Variants in PTPRD observed in about 807,000 individuals in gnomAD.
PTPRD encodes protein tyrosine phosphatase receptor type D.
In PTPRD, 34 loss-of-function variants were observed where a neutral mutation model predicts 214.5. The ratio of observed to expected loss-of-function variants is 0.16; its 90% CI spans 0.12 to 0.21. The LOEUF is 0.21. PTPRD is among the 10% of genes least tolerant of loss of function. The probability of loss-of-function intolerance (pLI) is 1.00; values close to 1 mark genes in which losing one functional copy is unlikely to be tolerated. For synonymous variants in PTPRD, 1,128 were observed against 845.7 expected, an observed-to-expected ratio of 1.33 and a Z score of -5.79; for missense variants, 2,545 against 2,398.7, an observed-to-expected ratio of 1.06 and a Z score of -1.27.
At chr9:10,084,470 G>C (rs1590706400) in intron 3 of PTPRD, among the ~76,000 whole-genome samples, 1 of 151,806 alleles carries the variant, frequency 6.6e-6, no homozygotes, top group Non-Finnish European at 1.5e-5. Flanking sequence ...ACCAGTTTTT[G>C]TTTATCATAT....
chr9:8,846,011 T>C (rs1030501522), intron 11 of PTPRD, among the ~76,000 whole-genome samples: 4 of 152,174 alleles, frequency 2.6e-5, no homozygotes, highest in African/African-American at 7.2e-5. Context: ...GGTTCAATAA[T>C]GGCCATGTGT....
chr9:9,609,862 G>A (rs1000633094), intron 7 of PTPRD, among the ~76,000 whole-genome samples: 11 of 152,160 alleles, frequency 7.2e-5, no homozygotes, highest in Non-Finnish European at 1.5e-4. Context: ...AAAAAACACT[G>A]TGAAAATGTA....
At chr9:9,841,627 A>T (rs1015228691) in intron 5 of PTPRD, among the ~76,000 whole-genome samples, 1 of 152,300 alleles carries the variant, frequency 6.6e-6, no homozygotes, top group South Asian at 2.1e-4. Flanking sequence ...ACCATTAAAG[A>T]TGAAGTTGTT....
intron 2 of PTPRD, among the ~76,000 whole-genome samples, chr9:10,579,823 C>T (rs756381111): frequency 1.5e-4 from 23 of 151,990 alleles, no homozygotes; most frequent in African/African-American, 3.6e-4. Context: ...AGATAATTCT[C>T]GTGGTTTTGA....
intron 9 of PTPRD, among the ~76,000 whole-genome samples, chr9:9,298,733 TC>T (rs1954089087): frequency 6.6e-6 from 1 of 151,740 alleles, no homozygotes; most frequent in Non-Finnish European, 1.5e-5. Context: ...TATATTTAAT[TC>T]CTCCTCTTCT....
intron 9 of PTPRD, among the ~76,000 whole-genome samples, chr9:9,288,453 A>G (rs1950175507): frequency 1.3e-5 from 2 of 151,900 alleles, no homozygotes; most frequent in South Asian, 4.1e-4. Flanking sequence ...CGTAAAGATC[A>G]GAGTATTTCC....
chr9:8,811,944 T>C (rs1415278167), intron 11 of PTPRD, among the ~76,000 whole-genome samples: 4 of 152,014 alleles, frequency 2.6e-5, no homozygotes, highest in Non-Finnish European at 5.9e-5. Context: ...TGAGTGAAGA[T>C]CTGCACAGGG....
rs770452535 is a variant in PTPRD at position 8,861,677 on chromosome 9, A to G, written c.-103-127731T>C. 4.6e-5 allele frequency: 7 copies of G among 152,352 alleles called. No individual in the cohort carries two copies. The East Asian group carries it at 7.7e-4, about 17-fold the overall frequency. 9.4% of individuals were successfully genotyped at this position (152,352 alleles called of 1,614,324 possible). On this transcript the variant is annotated intron_variant, in intron 11 of 45. Coordinates refer to ENST00000381196, the MANE Select transcript of PTPRD (RefSeq NM_002839.4). ...TCAAATCCAATATTTTCACTTCTAT[A>G]GTGATGATAAATTATTGACCAAGGT...
chr9:8,339,143 C>T (rs1349970393), intron 42 of PTPRD, 96 bp from the exon 43 acceptor site: 1 of 1,261,782 alleles, frequency 7.9e-7, no homozygotes, highest in Non-Finnish European at 1.0e-6. Flanking sequence ...ATTTCCTTAT[C>T]CCATTAATAA....
chr9:10,338,716 T>C (rs1448634966), intron 3 of PTPRD, among the ~76,000 whole-genome samples: 4 of 151,872 alleles, frequency 2.6e-5, no homozygotes, highest in East Asian at 1.9e-4. Context: ...TTAATATGTA[T>C]TGACTTAGCA....
At chr9:10,254,379 G>A (rs1401397740) in intron 3 of PTPRD, among the ~76,000 whole-genome samples, 1 of 151,914 alleles carries the variant, frequency 6.6e-6, no homozygotes, top group Non-Finnish European at 1.5e-5. Flanking sequence ...AAATATATTT[G>A]TTTAATATTT....
chr9:8,794,754 C>T (rs956709716), intron 11 of PTPRD, among the ~76,000 whole-genome samples: 3 of 151,612 alleles, frequency 2.0e-5, no homozygotes, highest in African/African-American at 4.9e-5. Flanking sequence ...CTCAGAGGAA[C>T]TTAACAAGAA....
chr9:9,183,673 CA>C (rs1487469900), intron 9 of PTPRD, among the ~76,000 whole-genome samples: 2 of 152,124 alleles, frequency 1.3e-5, no homozygotes, highest in African/African-American at 4.8e-5. Context: ...CTTCTTACAA[CA>C]TCAGTTTCAT....
At chr9:9,463,648 A>G (rs895870107) in intron 8 of PTPRD, among the ~76,000 whole-genome samples, 1 of 152,056 alleles carries the variant, frequency 6.6e-6, no homozygotes, top group Non-Finnish European at 1.5e-5. Flanking sequence ...TATTTTTTTT[A>G]AATTTTACAT....
intron 35 of PTPRD, among the ~76,000 whole-genome samples, chr9:8,429,146 A>G (rs1450903569): frequency 6.6e-6 from 1 of 152,206 alleles, no homozygotes; most frequent in African/African-American, 2.4e-5. Context: ...TTAAATATCA[A>G]TATTTTGATC....
At position 10,465,854 on chromosome 9, in the gene PTPRD, C is replaced by T. The variant is rs780476115; in HGVS notation, c.-599-124837G>A. On this transcript the variant is annotated intron_variant, in intron 2 of 45. Coordinates refer to ENST00000381196, the MANE Select transcript of PTPRD (RefSeq NM_002839.4). ...AGAATATGTCTTCATTGTTAAGCAG[C>T]GCATGACTGTTTATACAGATCCTAA... Among the ~76,000 whole-genome samples the T allele has an allele frequency of 5.3e-5, 8 of 152,110 alleles. No individual in the cohort carries two copies. The South Asian group carries it at 6.2e-4, about 12-fold the overall frequency.
chr9:9,485,399 A>G (rs571667779), intron 8 of PTPRD, among the ~76,000 whole-genome samples: 8 of 152,210 alleles, frequency 5.3e-5, no homozygotes, highest in Non-Finnish European at 8.8e-5. Flanking sequence ...TGGTTAAATC[A>G]TTATGAATAT....
chr9:9,132,231 G>A (rs1312369188), intron 10 of PTPRD, among the ~76,000 whole-genome samples: 6 of 152,010 alleles, frequency 3.9e-5, no homozygotes, highest in African/African-American at 1.4e-4. Context: ...GGATAGTCTC[G>A]ATCTCCTGAC....
chr9:8,607,917 T>C (rs1439211504), intron 14 of PTPRD, among the ~76,000 whole-genome samples: 1 of 152,210 alleles, frequency 6.6e-6, no homozygotes, highest in Admixed American at 6.5e-5. Flanking sequence ...ACAAATATTA[T>C]TCTTGTGTCA....
Sources: gnomAD v4.1 joint callset for allele counts (sites outside exome capture counted in the v4.1 genomes callset) on GRCh38, gnomAD v4.1.1 for gene constraint, MANE v1.5 for transcripts, NCBI Gene and HGNC (gene_info 2026-07-23, HGNC 2026-07-21) for gene names.